Variants in GRM7 observed in about 807,000 individuals in gnomAD.
GRM7 encodes the protein glutamate metabotropic receptor 7, also known as metabotropic glutamate receptor 7.
Under a neutral mutation model 84.5 loss-of-function variants are expected in GRM7, and 35 were observed. That is an observed-to-expected ratio of 0.41 (90% CI 0.32 to 0.55). The LOEUF (loss-of-function observed/expected upper bound fraction) is 0.55. Ranked by LOEUF, GRM7 falls within the 20% of genes least tolerant of loss-of-function variation. The pLI is 0.19. For missense variants in GRM7, 1,003 were observed against 1,194.6 expected (o/e 0.84, Z 2.36); for synonymous variants, 487 against 455.1 (o/e 1.07, Z -0.89).
intron 1 of GRM7, among the ~76,000 whole-genome samples, chr3:6,933,417 G>T (rs1697578216): frequency 6.6e-6 from 1 of 152,106 alleles, no homozygotes; most frequent in African/African-American, 2.4e-5. Flanking sequence ...TGTATACATA[G>T]AAGCAGAAAC....
chr3:7,509,476 G>A (rs1011254484), intron 7 of GRM7, among the ~76,000 whole-genome samples: 2 of 152,156 alleles, frequency 1.3e-5, no homozygotes, highest in Non-Finnish European at 2.9e-5. Flanking sequence ...TGCAGATAAG[G>A]AGGAACTAAT....
intron 7 of GRM7, among the ~76,000 whole-genome samples, chr3:7,544,317 A>G (rs375209128): frequency 6.6e-6 from 1 of 152,268 alleles, no homozygotes; most frequent in African/African-American, 2.4e-5. Context: ...GTGCACCACC[A>G]TGCCTGGCTA....
intron 1 of GRM7, among the ~76,000 whole-genome samples, chr3:6,989,412 C>G (rs1439658356): frequency 6.6e-6 from 1 of 152,144 alleles, no homozygotes; most frequent in Non-Finnish European, 1.5e-5. Context: ...CTTAAGATGA[C>G]ATAGTTAGGG....
chr3:7,064,465 T>TAC (rs1697556472), intron 1 of GRM7, among the ~76,000 whole-genome samples: 2 of 103,310 alleles, frequency 1.9e-5, no homozygotes, highest in Non-Finnish European at 3.7e-5. Context: ...TATATATACA[T>TAC]ATATATATAT....
intron 1 of GRM7, among the ~76,000 whole-genome samples, chr3:7,126,798 T>C (rs1374619720): frequency 6.6e-6 from 1 of 152,208 alleles, no homozygotes; most frequent in Non-Finnish European, 1.5e-5. Context: ...GTTAATCTCT[T>C]CATGGCCCAT....
intron 1 of GRM7, chr3:6,956,661 A>G (rs1027849712): frequency 2.2e-6 from 1 of 455,998 alleles, no homozygotes; most frequent in African/African-American, 2.0e-5. Flanking sequence ...TTACCTGCTC[A>G]GTACTGCTCA....
intron 1 of GRM7, among the ~76,000 whole-genome samples, chr3:6,887,150 C>T (rs1392463499): frequency 6.6e-6 from 1 of 151,636 alleles, no homozygotes; most frequent in Non-Finnish European, 1.5e-5. Context: ...ATACCAGACA[C>T]ATTTACATGT....
chr3:7,031,920 A>G (rs983870223), intron 1 of GRM7, among the ~76,000 whole-genome samples: 1 of 152,118 alleles, frequency 6.6e-6, no homozygotes, highest in Non-Finnish European at 1.5e-5. Context: ...AAAATCAACT[A>G]TGAATGCTAA....
chr3:6,952,400 T>C (rs1393653657), intron 1 of GRM7, among the ~76,000 whole-genome samples: 2 of 152,206 alleles, frequency 1.3e-5, no homozygotes, highest in Non-Finnish European at 2.9e-5. Flanking sequence ...GCTAAATGCT[T>C]GAGGGAGAAA....
At chr3:7,017,290 A>C (rs1000785912) in intron 1 of GRM7, among the ~76,000 whole-genome samples, 2 of 152,190 alleles carry the variant, frequency 1.3e-5, no homozygotes, top group African/African-American at 4.8e-5. Flanking sequence ...AGACTTTAAA[A>C]AGGAAAGTTT....
chr3:7,327,806 G>A (rs953317704), intron 4 of GRM7, among the ~76,000 whole-genome samples: 4 of 152,200 alleles, frequency 2.6e-5, no homozygotes, highest in Non-Finnish European at 4.4e-5. Context: ...TGATCCTGAT[G>A]TATAATCAAA....
chr3:7,018,842 A>G (rs1299185845), intron 1 of GRM7, among the ~76,000 whole-genome samples: 1 of 152,210 alleles, frequency 6.6e-6, no homozygotes, highest in East Asian at 1.9e-4. Context: ...CACGCCTGTA[A>G]TCTTAGTACT....
At chr3:7,483,419 A>G (rs1450029687) in intron 7 of GRM7, among the ~76,000 whole-genome samples, 2 of 152,196 alleles carry the variant, frequency 1.3e-5, no homozygotes, top group Non-Finnish European at 2.9e-5. Flanking sequence ...TGGAAGGAAC[A>G]GAAAGCAACA....
chr3:6,919,031 C>T (rs1002403122), intron 1 of GRM7, among the ~76,000 whole-genome samples: 62 of 152,276 alleles, frequency 4.1e-4, no homozygotes, highest in African/African-American at 1.4e-3. Flanking sequence ...CAAGTGATCA[C>T]AGCACTCTAA....
At chr3:7,115,401 A>C (rs999461930) in intron 1 of GRM7, among the ~76,000 whole-genome samples, 16 of 152,116 alleles carry the variant, frequency 1.1e-4, no homozygotes, top group Non-Finnish European at 1.8e-4. Flanking sequence ...AGGTGCTCTG[A>C]GCGTGCTAAT....
chr3:7,661,474 T>C (rs1699441135), intron 8 of GRM7, among the ~76,000 whole-genome samples: 2 of 152,088 alleles, frequency 1.3e-5, no homozygotes. Context: ...TTGGAGGAAC[T>C]GAAACTCTCA....
At chr3:7,050,468 G>C (rs1696954295) in intron 1 of GRM7, among the ~76,000 whole-genome samples, 1 of 151,840 alleles carries the variant, frequency 6.6e-6, no homozygotes, top group Admixed American at 6.6e-5. Flanking sequence ...CTAAACACAT[G>C]TTATATCCAC....
intron 8 of GRM7, among the ~76,000 whole-genome samples, chr3:7,599,543 A>C (rs1465061936): frequency 2.0e-5 from 3 of 152,172 alleles, no homozygotes; most frequent in Non-Finnish European, 4.4e-5. Context: ...CTCCGGTCTT[A>C]TATCCAGAGC....
intron 2 of GRM7, among the ~76,000 whole-genome samples, chr3:7,283,257 G>GT (rs1699316565): frequency 6.6e-6 from 1 of 152,024 alleles, no homozygotes; most frequent in South Asian, 2.1e-4. Flanking sequence ...TCGTGCTTGG[G>GT]TTTTCTCATC....
Sources: gnomAD v4.1 joint callset for allele counts (sites outside exome capture counted in the v4.1 genomes callset) on GRCh38, gnomAD v4.1.1 for gene constraint, MANE v1.5 for transcripts, NCBI Gene and HGNC (gene_info 2026-07-23, HGNC 2026-07-21) for gene names.